The following LARGE1 variants were observed in gnomAD, a reference collection of about 807,000 sequenced individuals.
LARGE1 encodes the protein LARGE xylosyl- and glucuronyltransferase 1.
LARGE1 carries 43 observed loss-of-function variants against 87.6 expected under a neutral mutation model. The observed-to-expected ratio is 0.49, with a 90% confidence interval of 0.38 to 0.63. The LOEUF (loss-of-function observed/expected upper bound fraction) is 0.63. Among genes scored for constraint, LARGE1 ranks in the 30% least tolerant of loss-of-function variants. LARGE1 has a pLI of 0.00. For missense variants in LARGE1, 802 were observed against 1,000.2 expected, an observed-to-expected ratio of 0.80 and a Z score of 2.67; for synonymous variants, 434 against 394.6, an observed-to-expected ratio of 1.10 and a Z score of -1.18.
At chr22:33,855,320 C>T (rs993677188) in intron 1 of LARGE1, among the ~76,000 whole-genome samples, 16 of 151,910 alleles carry the variant, frequency 1.1e-4, no homozygotes, top group African/African-American at 3.6e-4. Context: ...GGCAAGACAG[C>T]GGGACCCCGT....
At chr22:33,699,822 A>G (rs2082353969) in intron 2 of LARGE1, among the ~76,000 whole-genome samples, 1 of 152,200 alleles carries the variant, frequency 6.6e-6, no homozygotes, top group Non-Finnish European at 1.5e-5. Context: ...TCTTACACTC[A>G]GCAGCATCTA....
intron 9 of LARGE1, among the ~76,000 whole-genome samples, chr22:33,345,471 C>T (rs1939641491): frequency 6.6e-6 from 1 of 152,200 alleles, no homozygotes; most frequent in South Asian, 2.1e-4. Context: ...TTCCCAGATA[C>T]ACAGGCAGAG....
chr22:33,488,511 A>G (rs2069685406), intron 6 of LARGE1, among the ~76,000 whole-genome samples: 1 of 152,190 alleles, frequency 6.6e-6, no homozygotes, highest in South Asian at 2.1e-4. Context: ...CTGTCTTAAC[A>G]AGTACTTTCT....
chr22:33,096,278 T>A, the LARGE1 span, among the ~76,000 whole-genome samples: 1 of 151,898 alleles, frequency 6.6e-6, no homozygotes, highest in Non-Finnish European at 1.5e-5. Context: ...TAGCTGGGCA[T>A]GGTAGTGCAT....
intron 11 of LARGE1, among the ~76,000 whole-genome samples, chr22:33,186,609 T>C (rs1012213106): frequency 2.7e-5 from 4 of 148,954 alleles, no homozygotes; most frequent in African/African-American, 9.7e-5. Flanking sequence ...ACCACTCTTA[T>C]TACTTCTACT....
chr22:33,646,427 A>G (rs992955640), intron 3 of LARGE1, among the ~76,000 whole-genome samples: 1 of 152,006 alleles, frequency 6.6e-6, no homozygotes, highest in African/African-American at 2.4e-5. Context: ...ACACACTGGG[A>G]CCTGTTGAGG....
intron 2 of LARGE1, among the ~76,000 whole-genome samples, chr22:33,684,192 T>G (rs1023662194): frequency 3.3e-5 from 5 of 152,138 alleles, no homozygotes; most frequent in Admixed American, 6.5e-5. Flanking sequence ...GGAATGTGTT[T>G]GGGGAAGGAA....
At chr22:33,691,567 A>G (rs17806754) in intron 2 of LARGE1, among the ~76,000 whole-genome samples, 11,215 of 152,172 alleles carry the variant, frequency 0.074, 536 homozygotes, top group Middle Eastern at 0.11. Context: ...TCAGCAAGCA[A>G]AACGCATGCC....
At chr22:33,430,671 G>A (rs555600179) in intron 7 of LARGE1, among the ~76,000 whole-genome samples, 110 of 152,316 alleles carry the variant, frequency 7.2e-4, no homozygotes, top group African/African-American at 1.9e-3. Flanking sequence ...TAGGATGGCC[G>A]TCAATACAGG....
intron 6 of LARGE1, among the ~76,000 whole-genome samples, chr22:33,527,364 A>G (rs1318236615): frequency 6.6e-6 from 1 of 152,210 alleles, no homozygotes; most frequent in Non-Finnish European, 1.5e-5. Flanking sequence ...CAGGTGGTTC[A>G]CGTACAAAGA....
At chr22:33,654,205 A>G (rs1274793124) in intron 2 of LARGE1, among the ~76,000 whole-genome samples, 1 of 152,230 alleles carries the variant, frequency 6.6e-6, no homozygotes, top group African/African-American at 2.4e-5. Context: ...TCTCAGAGGA[A>G]TCAATGTTGA....
At chr22:33,207,634 G>A (rs2146224453) in intron 11 of LARGE1, among the ~76,000 whole-genome samples, 1 of 152,264 alleles carries the variant, frequency 6.6e-6, no homozygotes, top group Non-Finnish European at 1.5e-5. Context: ...ACCCACCACA[G>A]AGTGAGAGCG....
At chr22:33,085,168 C>A in the LARGE1 span, among the ~76,000 whole-genome samples, 3 of 152,094 alleles carry the variant, frequency 2.0e-5, no homozygotes, top group Non-Finnish European at 2.9e-5. Context: ...CCCAGCTGCT[C>A]GGGAGGCTGA....
intron 1 of LARGE1, among the ~76,000 whole-genome samples, chr22:33,830,096 G>C (rs1474288911): frequency 6.6e-6 from 1 of 152,082 alleles, no homozygotes; most frequent in African/African-American, 2.4e-5. Flanking sequence ...AAGGTCCTTT[G>C]GGCCGGGTGC....
chr22:33,147,607 G>A, the LARGE1 span, among the ~76,000 whole-genome samples: 1 of 152,098 alleles, frequency 6.6e-6, no homozygotes, highest in South Asian at 2.1e-4. Flanking sequence ...CGCGATTATA[G>A]CTTTTTACAT....
At chr22:33,267,690 T>C (rs765105494), downstream of LARGE1, among the ~76,000 whole-genome samples, 32 of 151,026 alleles carry the variant, frequency 2.1e-4, 1 homozygote, top group Non-Finnish European at 3.7e-4. Flanking sequence ...TTGAGGCCGA[T>C]TGCTAGGCCG....
intron 10 of LARGE1, among the ~76,000 whole-genome samples, chr22:33,327,915 TTA>T (rs1432132601): frequency 6.6e-6 from 1 of 152,170 alleles, no homozygotes; most frequent in African/African-American, 2.4e-5. Context: ...AAAGGACTTG[TTA>T]TAGTTCATTT....
At chr22:33,765,731 T>TAAAAC (rs2084881607) in intron 1 of LARGE1, among the ~76,000 whole-genome samples, 4 of 134,284 alleles carry the variant, frequency 3.0e-5, no homozygotes, top group African/African-American at 5.5e-5. Flanking sequence ...AAAAAAAAAG[T>TAAAAC]TATAGACAAA....
In LARGE1 at chr22:33,545,073, T is replaced by C. The variant is rs1039959618; in HGVS notation, c.787+19775A>G. On this transcript the variant is annotated intron_variant, in intron 6 of 14. Transcript: ENST00000397394. ...GTATATCATGAGGAAGCACGTGTTA[T>C]AGTGAAACATCAAAACCACAACAAC... Among the ~76,000 whole-genome samples the C allele has an allele frequency of 5.3e-5, 8 of 152,144 alleles. No homozygotes were observed. The East Asian group carries it at 5.8e-4, about 11-fold the overall frequency.
Sources: allele counts gnomAD v4.1 joint callset (sites outside exome capture counted in the v4.1 genomes callset), GRCh38; gene constraint gnomAD v4.1.1; transcripts MANE v1.5; gene names NCBI Gene and HGNC (gene_info 2026-07-23, HGNC 2026-07-21).